REEP1: variants seen among roughly 807,000 people sequenced by gnomAD.
The protein encoded by REEP1 is receptor accessory protein 1.
In REEP1, 22 loss-of-function variants were observed where a neutral mutation model predicts 40.3. The observed-to-expected ratio is 0.55, with a 90% CI of 0.39 to 0.78. The LOEUF is 0.78. REEP1 is among the 30% of genes least tolerant of loss of function. The probability of loss-of-function intolerance (pLI) is 0.00; values close to 1 mark genes in which losing one functional copy is unlikely to be tolerated. For synonymous variants in REEP1, 116 were observed against 139.2 expected, an observed-to-expected ratio of 0.83 and a Z score of 1.17; for missense variants, 280 against 361.1, an observed-to-expected ratio of 0.78 and a Z score of 1.82.
chr2:86,288,033 T>C (rs1645958033), intron 1 of REEP1, among the ~76,000 whole-genome samples: 1 of 151,124 alleles, frequency 6.6e-6, no homozygotes, highest in South Asian at 2.1e-4. Flanking sequence ...ATTTTTATTA[T>C]TTTTTTGAGA....
chr2:86,224,140 AC>A (rs1238304306), intron 7 of REEP1, among the ~76,000 whole-genome samples: 1 of 151,996 alleles, frequency 6.6e-6, no homozygotes, highest in African/African-American at 2.4e-5. Context: ...TCCTTTCCCT[AC>A]CCCCATCATG....
At chr2:86,232,518 G>C (rs1185773408) in intron 6 of REEP1, 107 bp downstream of exon 6, 1 of 1,342,040 alleles carries the variant, frequency 7.5e-7, no homozygotes, top group African/African-American at 1.4e-5. Flanking sequence ...GTTGGTGGCA[G>C]GTCCGTGGGG....
At chr2:86,233,911 C>T (rs188993874) in intron 5 of REEP1, among the ~76,000 whole-genome samples, 1 of 151,674 alleles carries the variant, frequency 6.6e-6, no homozygotes, top group Non-Finnish European at 1.5e-5. Context: ...GACAGGGGGA[C>T]AATACTGCAC....
At chr2:86,227,173 C>T (rs751443282) in intron 7 of REEP1, among the ~76,000 whole-genome samples, 190 bp downstream of exon 7, 4 of 152,234 alleles carry the variant, frequency 2.6e-5, no homozygotes, top group African/African-American at 9.6e-5. Flanking sequence ...CCCAGTTAAG[C>T]TGCTCCCAGA....
intron 2 of REEP1, among the ~76,000 whole-genome samples, chr2:86,270,237 C>T (rs1018810340): frequency 6.6e-6 from 1 of 152,076 alleles, no homozygotes; most frequent in Non-Finnish European, 1.5e-5. Context: ...GCTCTTGTTG[C>T]CCAGGCTGGA....
intron 5 of REEP1, among the ~76,000 whole-genome samples, chr2:86,242,329 G>A (rs1211627200): frequency 6.6e-6 from 1 of 152,192 alleles, no homozygotes; most frequent in Non-Finnish European, 1.5e-5. Flanking sequence ...GTATTGCTCT[G>A]TTGGTCATGG....
chr2:86,316,625 G>A (rs1031728191), intron 1 of REEP1, among the ~76,000 whole-genome samples: 171 of 151,318 alleles, frequency 1.1e-3, no homozygotes, highest in Non-Finnish European at 3.1e-4. Flanking sequence ...TTGGGAGGCC[G>A]AGGTGGGCAG....
At chr2:86,263,861 G>C (rs1158845652) in intron 3 of REEP1, 104 bp downstream of exon 3, 5 of 826,266 alleles carry the variant, frequency 6.1e-6, no homozygotes, top group Non-Finnish European at 1.1e-5. Context: ...TGCGTCTCTG[G>C]CCTGAGGTGA....
chr2:86,334,568 C>A (rs950335751), intron 1 of REEP1, among the ~76,000 whole-genome samples: 1 of 152,124 alleles, frequency 6.6e-6, no homozygotes, highest in Non-Finnish European at 1.5e-5. Flanking sequence ...ATTTCCTCTG[C>A]AGTTTTACAG....
chr2:86,296,812 A>G (rs10451665), intron 1 of REEP1, among the ~76,000 whole-genome samples: 16,176 of 152,182 alleles, frequency 0.11, 1,677 homozygotes, highest in African/African-American at 0.27. Context: ...AGATGAGATC[A>G]CGCCACTGCA....
intron 5 of REEP1, among the ~76,000 whole-genome samples, chr2:86,235,708 C>T (rs778078129): frequency 6.6e-6 from 1 of 152,182 alleles, no homozygotes; most frequent in African/African-American, 2.4e-5. Flanking sequence ...GCATCGTACA[C>T]GTTCATTTTA....
At chr2:86,332,080 C>T (rs1680795017) in intron 1 of REEP1, among the ~76,000 whole-genome samples, 1 of 152,126 alleles carries the variant, frequency 6.6e-6, no homozygotes, top group African/African-American at 2.4e-5. Context: ...AGGGAAGCCC[C>T]AGTGTGACTT....
chr2:86,262,033 C>A (rs1011546582), intron 3 of REEP1, among the ~76,000 whole-genome samples: 22 of 152,328 alleles, frequency 1.4e-4, no homozygotes, highest in African/African-American at 5.3e-4. Flanking sequence ...GACCCTCTCC[C>A]CACTATTGTC....
At chr2:86,297,799 G>A in intron 1 of REEP1, 4 of 848,674 alleles carry the variant, frequency 4.7e-6, no homozygotes, top group Non-Finnish European at 5.7e-6. Context: ...GAAGACTCTG[G>A]GGGATCTCAG....
intron 5 of REEP1, among the ~76,000 whole-genome samples, chr2:86,243,146 C>A (rs1675757395): frequency 6.6e-6 from 1 of 151,826 alleles, no homozygotes; most frequent in South Asian, 2.1e-4. Flanking sequence ...TGAGATGGTG[C>A]TAGGAGAGAG....
chr2:86,305,941 C>T (rs1029270587), intron 1 of REEP1, among the ~76,000 whole-genome samples: 7 of 152,160 alleles, frequency 4.6e-5, no homozygotes, highest in Admixed American at 6.5e-5. Context: ...CTCGCCTGCT[C>T]GTAACCTTTG....
chr2:86,220,175 TC>T (rs1220047298), intron 7 of REEP1, 54 bp from the exon 8 acceptor site: 3 of 1,189,962 alleles, frequency 2.5e-6, no homozygotes, highest in Admixed American at 4.2e-5. Context: ...CAAGGAAGCA[TC>T]AGTGCAGGGA....
chr2:86,318,379 A>G (rs1375703282), intron 1 of REEP1, among the ~76,000 whole-genome samples: 1 of 145,784 alleles, frequency 6.9e-6, no homozygotes, highest in Non-Finnish European at 1.5e-5. Flanking sequence ...TGGAAAAAGT[A>G]GTTTTCTTTT....
Position 86,245,959 on chromosome 2 carries a change from T to TG in REEP1, c.417+5997_417+5998insC, listed in dbSNP as rs1297120180. 2.0e-5 allele frequency among the ~76,000 whole-genome samples: 3 copies of TG among 151,988 alleles called. No individual in the cohort carries two copies. In the East Asian group the frequency reaches 5.8e-4, roughly 29 times the overall value. ...TTTTGTATTTTTAGTAGAGACGGGG[T>TG]TTCACCATGTTAGCCAGGATGGTCT... On this transcript the variant is annotated intron_variant, in intron 5 of 8. Coordinates refer to ENST00000538924, the MANE Select transcript of REEP1 (RefSeq NM_001371279.1).
Sources: allele counts gnomAD v4.1 joint callset (sites outside exome capture counted in the v4.1 genomes callset), GRCh38; gene constraint gnomAD v4.1.1; transcripts MANE v1.5; gene names NCBI Gene and HGNC (gene_info 2026-07-23, HGNC 2026-07-21).